The following FANCA variants were observed in gnomAD, a reference collection of about 807,000 sequenced individuals.
FANCA encodes the protein FA complementation group A, also known as Fanconi anemia group A protein.
A neutral mutation model predicts 194.3 loss-of-function variants in FANCA; 236 were observed. The observed-to-expected ratio is 1.21, with a 90% CI of 1.09 to 1.35. The LOEUF (loss-of-function observed/expected upper bound fraction) is 1.35, where lower values mean the gene tolerates loss of function less well. Ranked by LOEUF, FANCA falls within the 40% of genes most tolerant of loss-of-function variation. The pLI is 0.00. For synonymous variants in FANCA, 1,014 were observed against 715.8 expected (o/e 1.42, Z -6.65); for missense variants, 2,628 against 1,813.9 (o/e 1.45, Z -8.15).
At chr16:89,784,800 T>C (rs2039841836) in intron 15 of FANCA, 54 bp downstream of exon 15, 15 of 1,390,500 alleles carry the variant, frequency 1.1e-5, no homozygotes, top group African/African-American at 5.7e-5. Context: ...AGTCCTCAGA[T>C]GCAGCAGGTG....
chr16:89,750,643 G>A (rs538688516), intron 31 of FANCA, among the ~76,000 whole-genome samples: 17 of 151,750 alleles, frequency 1.1e-4, no homozygotes, highest in Non-Finnish European at 2.1e-4. Flanking sequence ...TGTGGTGGCA[G>A]GCGCCTGTAA....
At chr16:89,816,136 A>G (rs2041112589) in intron 1 of FANCA, 150 bp from the exon 2 acceptor site, 3 of 697,842 alleles carry the variant, frequency 4.3e-6, no homozygotes, top group Non-Finnish European at 7.8e-6. Context: ...AGGTCTCGGG[A>G]AACTAACGGA....
At chr16:89,769,478 C>A (rs916588787) in intron 26 of FANCA, among the ~76,000 whole-genome samples, 1 of 152,162 alleles carries the variant, frequency 6.6e-6, no homozygotes, top group African/African-American at 2.4e-5. Context: ...CCATGGGGTG[C>A]CGAAGAACCT....
intron 5 of FANCA, among the ~76,000 whole-genome samples, chr16:89,808,842 C>T (rs2040764567): frequency 3.9e-5 from 6 of 152,136 alleles, no homozygotes; most frequent in Admixed American, 3.9e-4. Flanking sequence ...TCACTGTGAA[C>T]ACTGTGCCTG....
At chr16:89,747,628 G>A (rs1361283240) in intron 33 of FANCA, among the ~76,000 whole-genome samples, 1 of 152,138 alleles carries the variant, frequency 6.6e-6, no homozygotes, top group Admixed American at 6.6e-5. Flanking sequence ...GAACCTGGGA[G>A]GCGGAGGTTG....
chr16:89,815,621 G>A (rs967277126), intron 2 of FANCA, among the ~76,000 whole-genome samples: 4 of 152,120 alleles, frequency 2.6e-5, no homozygotes, highest in Non-Finnish European at 5.9e-5. Context: ...CTCCCCAAAA[G>A]CTGGGATTAC....
intron 11 of FANCA, among the ~76,000 whole-genome samples, chr16:89,793,244 T>C (rs2040137213): frequency 6.6e-6 from 1 of 152,134 alleles, no homozygotes; most frequent in African/African-American, 2.4e-5. Flanking sequence ...CACGATCCGC[T>C]TGGTGACGGG....
chr16:89,798,305 TC>T, intron 10 of FANCA: 4 of 1,011,700 alleles, frequency 4.0e-6, no homozygotes, highest in Non-Finnish European at 4.7e-6. Flanking sequence ...CACCGCAGTC[TC>T]TGGCACTTTG....
intron 6 of FANCA, 117 bp from the exon 7 acceptor site, chr16:89,805,509 T>C: frequency 1.4e-6 from 1 of 711,876 alleles, no homozygotes; most frequent in South Asian, 1.5e-5. Context: ...TCACTGAGGC[T>C]GGAGTGCAGT....
At chr16:89,788,421 C>G (rs1968109) in intron 14 of FANCA, among the ~76,000 whole-genome samples, 73,380 of 151,570 alleles carry the variant, frequency 0.48, 21,216 homozygotes, top group African/African-American at 0.77. Flanking sequence ...TGGTGACAGA[C>G]GGGGACTCCA....
In FANCA at chr16:89,740,070, G is replaced by A. The variant is rs761705192; in HGVS notation, c.3858C>T (p.His1286=). The A allele has an allele frequency of 1.0e-4, 165 of 1,614,042 alleles. No homozygotes were observed. Among genetic ancestry groups the A allele is most frequent in the Non-Finnish European group, 1.3e-4 (151 of 1,180,024 alleles). ...AACACTCGAGGATTGCTGCACAAACGTGGAAAGCCTTTGGCAGGTCTGTGG... is the reference window on the plus strand; with the variant it reads ...AACACTCGAGGATTGCTGCACAAACATGGAAAGCCTTTGGCAGGTCTGTGG... ...NSTTDLPKAF[H]VCAAILECLE... is the part of the protein sequence containing the mutation. The change falls in exon 39 of 43, where the codon CAC becomes CAT. Residue 1286 remains histidine (H), a synonymous_variant. Coordinates refer to ENST00000389301, the MANE Select transcript of FANCA (RefSeq NM_000135.4).
Position 89,773,513 on chromosome 16 carries a change from A to G in FANCA, c.1901-129T>C, listed in dbSNP as rs1425962254. 9.8e-5 allele frequency: 71 copies of G among 722,990 alleles called. No homozygotes were observed. In the East Asian group the frequency reaches 1.9e-3, roughly 20 times the overall value. 44.8% of individuals were successfully genotyped at this position (722,990 alleles called of 1,614,324 possible). On this transcript the variant is annotated intron_variant, in intron 21 of 42. Coordinates refer to ENST00000389301, the MANE Select transcript of FANCA (RefSeq NM_000135.4). ...GCTGCTGTGTGTGGCAGACGGAGGG[A>G]CTGGGAGTCTCTGAGGAGGTAAATG...
chr16:89,808,388 A>G, intron 5 of FANCA, 21 bp from the exon 6 acceptor site: 3 of 1,609,588 alleles, frequency 1.9e-6, no homozygotes, highest in Non-Finnish European at 2.6e-6. Context: ...AAACAAAACA[A>G]ACAAAAACAA....
chr16:89,781,404 T>C (rs963895266), intron 17 of FANCA, among the ~76,000 whole-genome samples: 4 of 139,210 alleles, frequency 2.9e-5, no homozygotes, highest in South Asian at 2.3e-4. Context: ...CTGGGCACAG[T>C]GGCTCATGCC....
chr16:89,810,181 G>A (rs1339106671), intron 5 of FANCA, among the ~76,000 whole-genome samples: 3 of 151,576 alleles, frequency 2.0e-5, no homozygotes, highest in Non-Finnish European at 4.4e-5. Flanking sequence ...AAATTAGCTG[G>A]GCGTGGTGGC....
At chr16:89,752,117 T>G (rs778934346) in intron 31 of FANCA, 21 bp downstream of exon 31, 9 of 1,607,130 alleles carry the variant, frequency 5.6e-6, no homozygotes, top group Non-Finnish European at 8.5e-7. Context: ...ATGCACTGAG[T>G]TGTGGCACCC....
chr16:89,778,298 T>C, intron 20 of FANCA: 1 of 279,888 alleles, frequency 3.6e-6, no homozygotes, highest in South Asian at 2.9e-5. Context: ...AAACCCTGTC[T>C]GTACTAAAAA....
At chr16:89,753,839 G>A (rs1039432928) in intron 30 of FANCA, among the ~76,000 whole-genome samples, 1 of 152,198 alleles carries the variant, frequency 6.6e-6, no homozygotes, top group African/African-American at 2.4e-5. Flanking sequence ...CAGATCATCT[G>A]AGGTCAGGAG....
At chr16:89,798,407 T>A (rs1468696514) in intron 10 of FANCA, 3 of 1,075,430 alleles carry the variant, frequency 2.8e-6, no homozygotes, top group Non-Finnish European at 3.4e-6. Flanking sequence ...TACCGAACGG[T>A]ACAACACATT....
Sources: allele counts gnomAD v4.1 joint callset (sites outside exome capture counted in the v4.1 genomes callset), GRCh38; gene constraint gnomAD v4.1.1; transcripts MANE v1.5; gene names NCBI Gene and HGNC (gene_info 2026-07-23, HGNC 2026-07-21).